The following IL12A variants were observed in gnomAD, a reference collection of about 807,000 sequenced individuals.
IL12A encodes the protein interleukin-12 subunit alpha.
A neutral mutation model predicts 23.5 loss-of-function variants in IL12A; 16 were observed. That is an observed-to-expected ratio of 0.68 (90% CI 0.46 to 1.03). IL12A has a LOEUF of 1.03. Ranked by LOEUF, IL12A falls within the 50% of genes least tolerant of loss-of-function variation. IL12A has a pLI of 0.00. For missense variants in IL12A, 275 were observed against 307.0 expected (o/e 0.90, Z 0.78); for synonymous variants, 106 against 111.5 (o/e 0.95, Z 0.31).
At chr3:159,989,276 A>T in intron 1 of IL12A, 102 bp downstream of exon 1, 1 of 863,536 alleles carries the variant, frequency 1.2e-6, no homozygotes, top group Non-Finnish European at 1.9e-6. Flanking sequence ...GAGAGACTGG[A>T]ACAGCAGCAG....
intron 6 of IL12A, 148 bp from the exon 7 acceptor site, chr3:159,995,256 G>T: frequency 2.1e-6 from 1 of 483,654 alleles, no homozygotes; most frequent in South Asian, 5.1e-5. Flanking sequence ...TGGTGATCTG[G>T]CTGAGAGTAG....
intron 6 of IL12A, chr3:159,994,124 T>C (rs1720413149): frequency 5.6e-6 from 2 of 357,720 alleles, no homozygotes; most frequent in Non-Finnish European, 1.0e-5. Flanking sequence ...AACAACCATA[T>C]GGGATCTGCA....
At chr3:159,991,144 G>A (rs1720294042) in intron 2 of IL12A, among the ~76,000 whole-genome samples, 1 of 152,188 alleles carries the variant, frequency 6.6e-6, no homozygotes, top group Non-Finnish European at 1.5e-5. Context: ...TGGACAGGGG[G>A]CTCAAGTGAA....
chr3:159,990,643 C>T (rs1720271967), intron 2 of IL12A, among the ~76,000 whole-genome samples: 1 of 152,198 alleles, frequency 6.6e-6, no homozygotes, highest in Non-Finnish European at 1.5e-5. Context: ...TCTGGCACCA[C>T]ACCACTGATC....
chr3:159,990,355 C>G, intron 2 of IL12A, 43 bp downstream of exon 2: 1 of 1,595,470 alleles, frequency 6.3e-7, no homozygotes, highest in Non-Finnish European at 8.6e-7. Flanking sequence ...TGCACCCTCC[C>G]TGAGGAAGGG....
chr3:159,994,044 A>G (rs1361596696), intron 6 of IL12A, among the ~76,000 whole-genome samples, 200 bp downstream of exon 6: 3 of 152,228 alleles, frequency 2.0e-5, no homozygotes, highest in African/African-American at 7.2e-5. Flanking sequence ...AGCAGACTCC[A>G]AAGTATTCAC....
rs1254507270 is a variant in IL12A at position 159,996,000 on chromosome 3, A to G, written c.*441A>G. ...AATATTTTTAAGTGTTCTAAAAATA[A>G]AAGTATTGAATTAAAGTGATTCTGC... is the stretch of plus-strand genomic sequence containing the variant. On this transcript the variant is annotated 3_prime_UTR_variant, in exon 7 of 7. Coordinates refer to ENST00000305579, the MANE Select transcript of IL12A (RefSeq NM_000882.4). 1.3e-5 allele frequency: 2 copies of G among 152,154 alleles called. No individual in the cohort carries two copies. Among genetic ancestry groups the G allele is most frequent in the African/African-American group, 4.8e-5 (2 of 41,452 alleles). The allele number at this position is 152,154 out of a possible 1,614,324, so 9.4% of individuals were successfully genotyped here. A position where few individuals can be genotyped will look rare whatever the true frequency, so the allele number is the denominator to read the frequency against.
chr3:159,989,281 CA>C lies in IL12A; in HGVS notation c.118+108del, dbSNP rs768480307. ...TCTGCCTAAGGAGAGACTGGAACAG[CA>C]GCAGCCGTCTCCTGCAAAGAGGAAT... On this transcript the variant is annotated intron_variant, in intron 1 of 6. Transcript: ENST00000305579. The C allele has an allele frequency of 8.0e-5, 65 of 811,780 alleles. 1 individual carries two copies. Among genetic ancestry groups the C allele is most frequent in the Middle Eastern group, 7.0e-4 (2 of 2,838 alleles). The allele number at this position is 811,780 out of a possible 1,614,324, so 50.3% of individuals were successfully genotyped here.
chr3:159,995,308 A>G, intron 6 of IL12A, 96 bp from the exon 7 acceptor site: 1 of 903,802 alleles, frequency 1.1e-6, no homozygotes. Flanking sequence ...ACTGAGTTGC[A>G]GGCTCTGAGA....
chr3:159,991,055 C>T (rs1227450965), intron 2 of IL12A, among the ~76,000 whole-genome samples: 1 of 152,156 alleles, frequency 6.6e-6, no homozygotes, highest in Non-Finnish European at 1.5e-5. Context: ...GCCACCAAGC[C>T]TTCTTAAAGG....
intron 1 of IL12A, 31 bp downstream of exon 1, chr3:159,989,205 C>T (rs369660091): frequency 8.5e-5 from 134 of 1,567,862 alleles, no homozygotes; most frequent in Non-Finnish European, 1.1e-4. Context: ...GTCTTTGGCT[C>T]GCTCGGGTGC....
chr3:159,991,441 C>T (rs145329523), intron 2 of IL12A, among the ~76,000 whole-genome samples: 1 of 152,314 alleles, frequency 6.6e-6, no homozygotes, highest in African/African-American at 2.4e-5. Context: ...AAAAACCAAA[C>T]ATTTCAATTA....
At chr3:159,993,675 C>T in intron 5 of IL12A, 26 bp from the exon 6 acceptor site, 1 of 1,614,064 alleles carries the variant, frequency 6.2e-7, no homozygotes. Context: ...TCAATGGATA[C>T]TTCCCCATCT....
Position 159,993,047 on chromosome 3 carries a change from T to A in IL12A, c.300T>A (p.Ser100=). 1 of 1,609,668 alleles carries A rather than the reference T, an allele frequency of 6.2e-7. No homozygotes were observed. Among genetic ancestry groups the A allele is most frequent in the Non-Finnish European group, 8.5e-7 (1 of 1,175,946 alleles). ...CTCTAGAATTTTACCCTTGCACTTC[T>A]GAAGAGATTGATCATGAAGATATCA... The change falls in exon 3 of 7, where the codon TCT becomes TCA. Residue 100 remains serine, a synonymous_variant. Coordinates refer to ENST00000305579, the MANE Select transcript of IL12A (RefSeq NM_000882.4).
intron 3 of IL12A, 87 bp from the exon 4 acceptor site, chr3:159,993,364 A>G: frequency 1.0e-6 from 1 of 1,002,938 alleles, no homozygotes; most frequent in Non-Finnish European, 1.5e-6. Context: ...ATGTGTTTTT[A>G]CCATAATAAA....
At position 159,993,433 on chromosome 3, in the gene IL12A, A is replaced by G. The variant is rs756393736; in HGVS notation, c.379-18A>G. On this transcript the variant is annotated intron_variant, in intron 3 of 6. Coordinates refer to ENST00000305579, the MANE Select transcript of IL12A (RefSeq NM_000882.4). ...ATACTAAGAATTAATACTTTGATAT[A>G]TGATTTTTTCCCTCTAGAATGAGAG... 22 of 1,590,202 alleles carry G rather than the reference A, an allele frequency of 1.4e-5. No individual in the cohort carries two copies. Among genetic ancestry groups the G allele is most frequent in the Admixed American group, 1.3e-4 (8 of 59,520 alleles).
At chr3:159,989,506 G>C (rs1175112075) in intron 1 of IL12A, among the ~76,000 whole-genome samples, 1 of 152,192 alleles carries the variant, frequency 6.6e-6, no homozygotes, top group Non-Finnish European at 1.5e-5. Context: ...GCTTGGCCGG[G>C]TGCAATGGCT....
At position 159,993,055 on chromosome 3, in the gene IL12A, T is replaced by G; in HGVS notation, c.308T>G (p.Ile103Ser). ...TTTTACCCTTGCACTTCTGAAGAGA[T>G]TGATCATGAAGATATCACAAAAGAT... The change falls in exon 3 of 7, where the codon ATT becomes AGT. Residue 103 changes from isoleucine (I) to serine (S), a missense_variant. Coordinates refer to ENST00000305579, the MANE Select transcript of IL12A (RefSeq NM_000882.4). 1 of 1,610,724 alleles carries G rather than the reference T, an allele frequency of 6.2e-7. No homozygotes were observed. The highest frequency in any genetic ancestry group is 1.7e-5 in the Admixed American group (1 of 59,982).
chr3:159,991,368 A>G (rs1720303188), intron 2 of IL12A, among the ~76,000 whole-genome samples: 1 of 152,216 alleles, frequency 6.6e-6, no homozygotes, highest in Admixed American at 6.5e-5. Context: ...TTCACCGGCC[A>G]TATCCAGGGC....
Sources: allele counts gnomAD v4.1 joint callset (sites outside exome capture counted in the v4.1 genomes callset), GRCh38; gene constraint gnomAD v4.1.1; transcripts MANE v1.5; gene names NCBI Gene and HGNC (gene_info 2026-07-23, HGNC 2026-07-21).